GDA: variants seen among roughly 807,000 people sequenced by gnomAD.
GDA encodes the protein guanine deaminase.
A neutral mutation model predicts 59.6 loss-of-function variants in GDA; 18 were observed. The observed-to-expected ratio is 0.30, with a 90% CI of 0.21 to 0.45. The LOEUF (loss-of-function observed/expected upper bound fraction) is 0.45. Among genes scored for constraint, GDA ranks in the 20% least tolerant of loss-of-function variants. The pLI is 1.00. For synonymous variants in GDA, 201 were observed against 201.1 expected, an observed-to-expected ratio of 1.00 and a Z score of 0.00; for missense variants, 427 against 552.3, an observed-to-expected ratio of 0.77 and a Z score of 2.27.
At chr9:72,129,239 AG>A (rs1825946796) in intron 1 of GDA, among the ~76,000 whole-genome samples, 2 of 152,306 alleles carry the variant, frequency 1.3e-5, no homozygotes, top group Admixed American at 1.3e-4. Flanking sequence ...CTAGGATTAC[AG>A]GCGTGAGCCA....
At chr9:72,144,896 T>A (rs542388902), upstream of GDA, among the ~76,000 whole-genome samples, 2 of 152,016 alleles carry the variant, frequency 1.3e-5, no homozygotes, top group South Asian at 4.2e-4. Context: ...ATCTTTTTTT[T>A]TTTTTTCTCT....
In GDA at chr9:72,195,606, C is replaced by G. The variant is rs745749465; in HGVS notation, c.212+18C>G. The stretch of plus-strand genomic sequence containing the variant: ...AGCCACCAGTAAGTTGTTACTTCTT[C>G]CCTTTTACTGGGTGCCACTAATAAG... On this transcript the variant is annotated intron_variant, in intron 2 of 13. Transcript: ENST00000358399. 2.5e-6 allele frequency: 3 copies of G among 1,195,796 alleles called. No homozygotes were observed. The Admixed American group carries it at 5.8e-5, about 23-fold the overall frequency. The allele number at this position is 1,195,796 out of a possible 1,614,324, so 74.1% of individuals were successfully genotyped here. A position where few individuals can be genotyped will look rare whatever the true frequency, so the allele number is the denominator to read the frequency against.
At chr9:72,193,569 A>T (rs879405989) in intron 1 of GDA, among the ~76,000 whole-genome samples, 1 of 152,242 alleles carries the variant, frequency 6.6e-6, no homozygotes, top group Non-Finnish European at 1.5e-5. Context: ...CACAATCACT[A>T]TGACTGTGCT....
chr9:72,243,162 C>A (rs892693230), intron 11 of GDA, among the ~76,000 whole-genome samples: 7 of 152,202 alleles, frequency 4.6e-5, no homozygotes, highest in African/African-American at 1.7e-4. Context: ...CAGAAATGAT[C>A]TTCACAGAAC....
At chr9:72,136,639 C>T (rs1308290009) in intron 1 of GDA, among the ~76,000 whole-genome samples, 1 of 152,160 alleles carries the variant, frequency 6.6e-6, no homozygotes, top group Admixed American at 6.5e-5. Context: ...TGCTACCTAG[C>T]ACAAACAGTG....
chr9:72,121,295 C>A (rs1825652014), intron 1 of GDA, among the ~76,000 whole-genome samples: 1 of 152,088 alleles, frequency 6.6e-6, no homozygotes. Context: ...CAAACTCTGT[C>A]TGAGCATAAG....
intron 1 of GDA, among the ~76,000 whole-genome samples, chr9:72,165,512 G>A (rs7032697): frequency 0.19 from 28,273 of 152,082 alleles, 2,982 homozygotes; most frequent in African/African-American, 0.3. Context: ...CAGGTAAGAC[G>A]ATAGAAGCAG....
intron 10 of GDA, among the ~76,000 whole-genome samples, chr9:72,233,713 A>G (rs1838630355): frequency 6.6e-6 from 1 of 152,180 alleles, no homozygotes; most frequent in Non-Finnish European, 1.5e-5. Flanking sequence ...AGGCCACGGC[A>G]GGAGGATTGC....
rs572845282 is a variant in GDA at position 72,131,555 on chromosome 9, C to A, written c.-100+16722C>A. On this transcript the variant is annotated intron_variant, in intron 1 of 13. Transcript: ENST00000545168. The stretch of plus-strand genomic sequence containing the variant: ...ATTTCAACATGAGATTTGGAAGGGA[C>A]AATTACCCAAATTATATCAGCCCTG... Among the ~76,000 whole-genome samples, 4 of 152,162 alleles carry A rather than the reference C, an allele frequency of 2.6e-5. No homozygotes were observed. The East Asian group carries it at 7.8e-4, about 30-fold the overall frequency.
chr9:72,133,829 A>T (rs1032141815), intron 1 of GDA, among the ~76,000 whole-genome samples: 11 of 152,204 alleles, frequency 7.2e-5, no homozygotes, highest in African/African-American at 2.2e-4. Flanking sequence ...TGCAAGGTTC[A>T]AGATGTGAGC....
intron 1 of GDA, among the ~76,000 whole-genome samples, chr9:72,173,000 G>A (rs1243373130): frequency 6.6e-6 from 1 of 152,164 alleles, no homozygotes; most frequent in African/African-American, 2.4e-5. Flanking sequence ...ATAACACAGT[G>A]AGTTAAGTGT....
At position 72,249,757 on chromosome 9, in the gene GDA, C is replaced by A; in HGVS notation, c.*1415C>A. Reference sequence around the variant, plus strand: ...TCTTAATATATTATAACACTCATTCCTAGAGCTTAGGGGTGACTCTTTAAT... The same window carrying A: ...TCTTAATATATTATAACACTCATTCATAGAGCTTAGGGGTGACTCTTTAAT... On this transcript the variant is annotated 3_prime_UTR_variant, in exon 14 of 14. Transcript: ENST00000358399. The A allele has an allele frequency of 1.2e-6, 1 of 846,744 alleles. No homozygotes were observed. Among genetic ancestry groups the A allele is most frequent in the Non-Finnish European group, 1.4e-6 (1 of 703,792 alleles). The allele number at this position is 846,744 out of a possible 1,614,324, so 52.5% of individuals were successfully genotyped here. A position where few individuals can be genotyped will look rare whatever the true frequency, so the allele number is the denominator to read the frequency against.
chr9:72,180,292 G>A (rs1239039073), intron 1 of GDA, among the ~76,000 whole-genome samples: 4 of 152,116 alleles, frequency 2.6e-5, no homozygotes, highest in African/African-American at 9.7e-5. Context: ...GGGAGGCAGA[G>A]GTTGCAGTGA....
intron 1 of GDA, among the ~76,000 whole-genome samples, chr9:72,180,839 G>A (rs971477285): frequency 2.0e-5 from 3 of 152,168 alleles, no homozygotes; most frequent in African/African-American, 7.2e-5. Context: ...GTATATTCAA[G>A]GGTTGTTTAG....
Position 72,162,660 on chromosome 9 carries a change from A to AT in GDA, c.123+12993dup, listed in dbSNP as rs112825046. Among the ~76,000 whole-genome samples, 596 of 145,448 alleles carry AT rather than the reference A, an allele frequency of 4.1e-3. 1 individual carries two copies. Among genetic ancestry groups the AT allele is most frequent in the Middle Eastern group, 0.011 (3 of 280 alleles). The stretch of plus-strand genomic sequence containing the variant: ...CAGAGGAAGATAGGTCAGATTTACA[A>AT]TTTTTTTTTTTTTTTGAGACAGAAT... On this transcript the variant is annotated intron_variant, in intron 1 of 13. Transcript: ENST00000358399.
intron 10 of GDA, among the ~76,000 whole-genome samples, chr9:72,238,290 G>A (rs938980395): frequency 1.3e-5 from 2 of 152,094 alleles, no homozygotes; most frequent in Admixed American, 6.6e-5. Flanking sequence ...TGTTTATATG[G>A]CTGAGTTCTT....
At chr9:72,148,034 T>C (rs1826743381), upstream of GDA, among the ~76,000 whole-genome samples, 2 of 152,162 alleles carry the variant, frequency 1.3e-5, no homozygotes, top group African/African-American at 4.8e-5. Context: ...ACATTGGTTA[T>C]GGGGGAGCTG....
chr9:72,133,305 A>ATAATAATAATAATAAT lies in GDA; in HGVS notation c.-100+18472_-100+18473insTAATAATAATAATAAT, dbSNP rs1293322271. On this transcript the variant is annotated intron_variant, in intron 1 of 13. Transcript: ENST00000545168. ...CTCTGTCTAAAAAAAAAAAAAAAAA[A>ATAATAATAATAATAAT]AAAAATAATAATAATAATAATAATA... Among the ~76,000 whole-genome samples the ATAATAATAATAATAAT allele has an allele frequency of 8.6e-3, 1,129 of 131,470 alleles. 10 individuals are homozygous for ATAATAATAATAATAAT. Among genetic ancestry groups the ATAATAATAATAATAAT allele is most frequent in the East Asian group, 0.057 (262 of 4,562 alleles). 86.2% of individuals were successfully genotyped at this position (131,470 alleles called of 152,430 possible).
rs1270728940 is a variant in GDA at position 72,116,648 on chromosome 9, G to A, written c.-100+1815G>A. ...GATCCACCTGCCTCGGCCTCCCAAA[G>A]TGCTGGGATTACAGGCGTGAGCCAC... On this transcript the variant is annotated intron_variant, in intron 1 of 13. Coordinates refer to the GDA transcript ENST00000545168. Among the ~76,000 whole-genome samples the A allele has an allele frequency of 2.0e-5, 3 of 152,174 alleles. 1 individual carries two copies. The East Asian group carries it at 5.8e-4, about 29-fold the overall frequency.
Sources: allele counts gnomAD v4.1 joint callset (sites outside exome capture counted in the v4.1 genomes callset), GRCh38; gene constraint gnomAD v4.1.1; transcripts MANE v1.5; gene names NCBI Gene and HGNC (gene_info 2026-07-23, HGNC 2026-07-21).